Variants in CSRNP3 observed in about 807,000 individuals in gnomAD.
The protein encoded by CSRNP3 is cysteine/serine-rich nuclear protein 3.
CSRNP3 carries 12 observed loss-of-function variants against 48.0 expected under a neutral mutation model. The ratio of observed to expected loss-of-function variants is 0.25; its 90% CI spans 0.16 to 0.41. The LOEUF is 0.41. Ranked by LOEUF, CSRNP3 falls within the 10% of genes least tolerant of loss-of-function variation. CSRNP3 has a pLI of 1.00. For missense variants in CSRNP3, 580 were observed against 724.4 expected (o/e 0.80, Z 2.29); for synonymous variants, 263 against 269.7 (o/e 0.98, Z 0.24).
intron 3 of CSRNP3, among the ~76,000 whole-genome samples, chr2:165,565,508 G>T (rs373121620): frequency 2.0e-5 from 3 of 152,080 alleles, no homozygotes; most frequent in African/African-American, 7.2e-5. Flanking sequence ...GTGTAAGAAG[G>T]CTGTATAATT....
At chr2:165,645,623 C>T (rs1686798636) in intron 4 of CSRNP3, among the ~76,000 whole-genome samples, 1 of 152,178 alleles carries the variant, frequency 6.6e-6, no homozygotes, top group Non-Finnish European at 1.5e-5. Context: ...TTGCAACCCT[C>T]CCAAATCACT....
intron 3 of CSRNP3, among the ~76,000 whole-genome samples, chr2:165,542,699 T>C (rs1684973796): frequency 6.6e-6 from 1 of 152,182 alleles, no homozygotes; most frequent in African/African-American, 2.4e-5. Context: ...ACATGTATGA[T>C]TATTCTCTCT....
At chr2:165,499,367 G>A (rs1387174524) in intron 2 of CSRNP3, among the ~76,000 whole-genome samples, 1 of 152,110 alleles carries the variant, frequency 6.6e-6, no homozygotes, top group Non-Finnish European at 1.5e-5. Flanking sequence ...GAGTATTTGT[G>A]TGCAAGTGAA....
intron 4 of CSRNP3, among the ~76,000 whole-genome samples, chr2:165,622,583 C>T (rs886863800): frequency 6.6e-6 from 1 of 152,160 alleles, no homozygotes; most frequent in African/African-American, 2.4e-5. Context: ...TCTTCTATCT[C>T]GTTGATCCAC....
chr2:165,507,817 A>T (rs189591200), intron 2 of CSRNP3, among the ~76,000 whole-genome samples: 3 of 152,270 alleles, frequency 2.0e-5, no homozygotes, highest in African/African-American at 7.2e-5. Context: ...GATACTCCTA[A>T]CATCTTATTG....
chr2:165,658,068 TTTGA>T, intron 5 of CSRNP3, 48 bp downstream of exon 5: 3 of 1,571,128 alleles, frequency 1.9e-6, no homozygotes, highest in Non-Finnish European at 2.6e-6. Flanking sequence ...CTTACAGCAA[TTTGA>T]TTGAGTTAAC....
intron 4 of CSRNP3, among the ~76,000 whole-genome samples, chr2:165,638,846 T>G (rs1027981186): frequency 2.0e-5 from 3 of 152,214 alleles, no homozygotes; most frequent in Admixed American, 2.0e-4. Context: ...AAAAGTACAG[T>G]TGATTCTCAA....
intron 4 of CSRNP3, among the ~76,000 whole-genome samples, chr2:165,657,060 A>T (rs941901597): frequency 2.0e-5 from 3 of 152,188 alleles, no homozygotes; most frequent in African/African-American, 7.2e-5. Flanking sequence ...TGTTGGGAGT[A>T]GTGTGATGAA....
intron 3 of CSRNP3, among the ~76,000 whole-genome samples, chr2:165,526,842 C>T (rs1307137906): frequency 6.6e-6 from 1 of 152,110 alleles, no homozygotes; most frequent in African/African-American, 2.4e-5. Context: ...TTTGGTTCAA[C>T]TTTTCTAGAA....
At chr2:165,566,257 C>A (rs1685296655) in intron 3 of CSRNP3, among the ~76,000 whole-genome samples, 1 of 151,966 alleles carries the variant, frequency 6.6e-6, no homozygotes, top group Non-Finnish European at 1.5e-5. Flanking sequence ...TTCCTTCACA[C>A]ATACATTAGT....
At chr2:165,475,684 T>A (rs1683952950) in intron 1 of CSRNP3, among the ~76,000 whole-genome samples, 1 of 152,208 alleles carries the variant, frequency 6.6e-6, no homozygotes, top group African/African-American at 2.4e-5. Context: ...AGCCTCCTCT[T>A]ACATCCTCTC....
At chr2:165,498,747 G>C (rs1337536364) in intron 2 of CSRNP3, among the ~76,000 whole-genome samples, 1 of 152,034 alleles carries the variant, frequency 6.6e-6, no homozygotes, top group Non-Finnish European at 1.5e-5. Context: ...GTTAGTCCTG[G>C]TGATGTTAAT....
Position 165,674,713 on chromosome 2 carries a change from T to TAA in CSRNP3, c.409-1598_409-1597dup, listed in dbSNP as rs1553485076. ...ATATATATATATATATATATATATA[T>TAA]AATTTGTTTATTTATTTAAATAGGG... On this transcript the variant is annotated intron_variant, in intron 5 of 6. Coordinates refer to ENST00000651982, the MANE Select transcript of CSRNP3 (RefSeq NM_001172173.2). 3.8e-5 allele frequency among the ~76,000 whole-genome samples: 5 copies of TAA among 133,284 alleles called. No individual in the cohort carries two copies. The South Asian group carries it at 7.1e-4, about 19-fold the overall frequency. The allele number at this position is 133,284 out of a possible 152,430, so 87.4% of individuals were successfully genotyped here. A position where few individuals can be genotyped will look rare whatever the true frequency, so the allele number is the denominator to read the frequency against.
At chr2:165,615,899 T>G (rs1573920936) in intron 4 of CSRNP3, among the ~76,000 whole-genome samples, 2 of 148,138 alleles carry the variant, frequency 1.4e-5, no homozygotes, top group East Asian at 4.0e-4. Flanking sequence ...TTTTTTTTTT[T>G]TTTTTTTTTT....
chr2:165,565,465 A>G (rs1335042934), intron 3 of CSRNP3, among the ~76,000 whole-genome samples: 1 of 152,130 alleles, frequency 6.6e-6, no homozygotes, highest in Non-Finnish European at 1.5e-5. Context: ...CACGTGTACT[A>G]TAACAACATG....
intron 1 of CSRNP3, among the ~76,000 whole-genome samples, chr2:165,489,270 A>G (rs1275740606): frequency 6.6e-6 from 1 of 150,560 alleles, no homozygotes; most frequent in Non-Finnish European, 1.5e-5. Context: ...CTCTGAATAG[A>G]CCAATAACAG....
chr2:165,489,112 G>A (rs1048944633), intron 1 of CSRNP3, among the ~76,000 whole-genome samples: 1 of 149,518 alleles, frequency 6.7e-6, no homozygotes. Context: ...TGATAAAGGG[G>A]ATATCACCAC....
intron 6 of CSRNP3, among the ~76,000 whole-genome samples, chr2:165,677,632 A>G (rs1203749102): frequency 6.6e-6 from 1 of 151,874 alleles, no homozygotes; most frequent in African/African-American, 2.4e-5. Flanking sequence ...AATATCTGCT[A>G]TACTTTTTAC....
chr2:165,497,253 G>T (rs980616812), intron 2 of CSRNP3, among the ~76,000 whole-genome samples: 1 of 151,896 alleles, frequency 6.6e-6, no homozygotes. Context: ...CTGCAAAGTT[G>T]ATGAGTTTTT....
Sources: allele counts gnomAD v4.1 joint callset (sites outside exome capture counted in the v4.1 genomes callset), GRCh38; gene constraint gnomAD v4.1.1; transcripts MANE v1.5; gene names NCBI Gene and HGNC (gene_info 2026-07-23, HGNC 2026-07-21).